NCOR1: variants seen among roughly 807,000 people sequenced by gnomAD.
NCOR1 encodes the protein protein phosphatase 1, regulatory subunit 109.
Under a neutral mutation model 288.1 loss-of-function variants are expected in NCOR1, and 63 were observed. That is an observed-to-expected ratio of 0.22 (90% CI 0.18 to 0.27). NCOR1 has a LOEUF of 0.27. Ranked by LOEUF, NCOR1 falls within the 10% of genes least tolerant of loss-of-function variation. The pLI, the probability that NCOR1 is intolerant of heterozygous loss-of-function variation, is 1.00. For missense variants in NCOR1, 2,397 were observed against 3,019.2 expected (o/e 0.79, Z 4.83); for synonymous variants, 1,007 against 1,065.9 (o/e 0.94, Z 1.08).
Position 16,061,295 on chromosome 17 carries a change from A to G in NCOR1, c.5881+106T>C, listed in dbSNP as rs895414673. 13 of 1,363,262 alleles carry G rather than the reference A, an allele frequency of 9.5e-6. No homozygotes were observed. In the African/African-American group the frequency reaches 1.3e-4, roughly 14 times the overall value. 84.4% of individuals were successfully genotyped at this position (1,363,262 alleles called of 1,614,324 possible). On this transcript the variant is annotated intron_variant, in intron 37 of 45. Coordinates refer to ENST00000268712, the MANE Select transcript of NCOR1 (RefSeq NM_006311.4). ...GATACATTTTTGCATTACATTTACT[A>G]TCAACCGTTAGGATTTTTAAATACC...
chr17:16,188,469 G>A (rs569793140), intron 2 of NCOR1, among the ~76,000 whole-genome samples: 1 of 151,786 alleles, frequency 6.6e-6, no homozygotes, highest in South Asian at 2.1e-4. Flanking sequence ...AAATTAGCTG[G>A]GCGTGGTGGC....
At chr17:16,157,532 CTTTA>C (rs1429708214) in intron 6 of NCOR1, among the ~76,000 whole-genome samples, 3 of 151,964 alleles carry the variant, frequency 2.0e-5, no homozygotes, top group Admixed American at 6.6e-5. Context: ...TTCACAATTG[CTTTA>C]TTTAAGGTCA....
chr17:16,192,573 T>C (rs1283852296), intron 2 of NCOR1, among the ~76,000 whole-genome samples: 3 of 152,112 alleles, frequency 2.0e-5, no homozygotes, highest in Non-Finnish European at 4.4e-5. Context: ...GGAGAATTGC[T>C]TGAACCCAGG....
intron 19 of NCOR1, among the ~76,000 whole-genome samples, chr17:16,107,050 GC>G (rs1317534792): frequency 6.6e-6 from 1 of 151,134 alleles, no homozygotes; most frequent in Non-Finnish European, 1.5e-5. Context: ...CCGCCACCAT[GC>G]CCGGCTAACT....
intron 14 of NCOR1, among the ~76,000 whole-genome samples, chr17:16,126,582 AAT>A (rs2074089537): frequency 6.6e-6 from 1 of 152,162 alleles, no homozygotes; most frequent in Admixed American, 6.5e-5. Context: ...TTAGATACTT[AAT>A]ATGTTTCCAA....
intron 11 of NCOR1, among the ~76,000 whole-genome samples, chr17:16,141,447 T>C (rs1197741599): frequency 6.6e-6 from 1 of 152,192 alleles, no homozygotes; most frequent in Non-Finnish European, 1.5e-5. Context: ...AGATATAGTT[T>C]ATATAGTTCT....
chr17:16,095,867 G>T (rs1474346077), intron 21 of NCOR1, among the ~76,000 whole-genome samples: 3 of 152,138 alleles, frequency 2.0e-5, no homozygotes, highest in African/African-American at 7.2e-5. Flanking sequence ...TGACGATGGC[G>T]GTTTTGTGGA....
chr17:16,059,408 A>C (rs1377286781), intron 37 of NCOR1, among the ~76,000 whole-genome samples: 3 of 152,230 alleles, frequency 2.0e-5, no homozygotes, highest in Admixed American at 2.0e-4. Context: ...ATAATTTTTT[A>C]GCACTGTGTT....
intron 17 of NCOR1, among the ~76,000 whole-genome samples, chr17:16,118,746 C>G (rs1185178177): frequency 6.6e-6 from 1 of 152,160 alleles, no homozygotes; most frequent in East Asian, 1.9e-4. Flanking sequence ...TATTTAACCA[C>G]CAAAAATTAG....
intron 34 of NCOR1, among the ~76,000 whole-genome samples, chr17:16,064,615 A>G (rs985501219): frequency 8.2e-6 from 1 of 121,752 alleles, no homozygotes; most frequent in African/African-American, 3.7e-5. Flanking sequence ...AAACAAAAAC[A>G]AAAAAAAAAC....
At position 16,075,603 on chromosome 17, in the gene NCOR1, T is replaced by G; in HGVS notation, c.3601A>C (p.Arg1201=). Residue 1201 remains arginine (R), a synonymous_variant, in exon 27 of 46, where the codon AGA becomes CGA. Coordinates refer to ENST00000268712, the MANE Select transcript of NCOR1 (RefSeq NM_006311.4). ...PIEDSSPEKG[R]EEAASKGHVI... is the part of the protein sequence containing the mutation. ...TGGCCTTTGGATGCAGCTTCCTCTC[T>G]GCCTTTCTCAGGACTGCTGTCTTCA... 6.2e-7 allele frequency: 1 copy of G among 1,614,232 alleles called. No homozygotes were observed. The highest frequency in any genetic ancestry group is 1.1e-5 in the South Asian group (1 of 91,086).
intron 3 of NCOR1, among the ~76,000 whole-genome samples, chr17:16,177,918 A>C (rs919270059): frequency 2.0e-5 from 3 of 151,992 alleles, no homozygotes; most frequent in Non-Finnish European, 2.9e-5. Context: ...TTTTTAAAAA[A>C]CTCATGTTCC....
chr17:16,052,441 A>C (rs1332492058), intron 40 of NCOR1, among the ~76,000 whole-genome samples: 1 of 152,312 alleles, frequency 6.6e-6, no homozygotes, highest in East Asian at 1.9e-4. Context: ...CCCCACAGAA[A>C]CACAAACAAT....
chr17:16,086,042 A>C (rs187653145), intron 23 of NCOR1, among the ~76,000 whole-genome samples: 2 of 152,314 alleles, frequency 1.3e-5, no homozygotes, highest in Admixed American at 1.3e-4. Context: ...CCAAGTGCCA[A>C]GTGTAATTAA....
At chr17:16,175,967 A>G (rs913240497) in intron 3 of NCOR1, among the ~76,000 whole-genome samples, 2 of 152,150 alleles carry the variant, frequency 1.3e-5, no homozygotes, top group African/African-American at 4.8e-5. Flanking sequence ...CTGTAATCCC[A>G]GCACTTTGGG....
chr17:16,185,346 T>C (rs2086419022), intron 3 of NCOR1, among the ~76,000 whole-genome samples: 1 of 151,970 alleles, frequency 6.6e-6, no homozygotes, highest in Admixed American at 6.6e-5. Context: ...TCTATACGTA[T>C]CCCATAACAT....
At chr17:16,104,821 TA>T (rs957672389) in intron 19 of NCOR1, among the ~76,000 whole-genome samples, 17 of 152,066 alleles carry the variant, frequency 1.1e-4, no homozygotes, top group African/African-American at 4.1e-4. Flanking sequence ...GTGCAGTGAC[TA>T]AACGACAAAA....
intron 4 of NCOR1, among the ~76,000 whole-genome samples, chr17:16,165,889 A>G (rs2081919469): frequency 1.3e-5 from 2 of 152,196 alleles, no homozygotes; most frequent in Non-Finnish European, 2.9e-5. Context: ...GCAATATTAT[A>G]AAACAGATAA....
chr17:16,073,463 T>C lies in NCOR1; in HGVS notation c.3777A>G (p.Ser1259=), dbSNP rs1280090607. The change falls in exon 28 of 46, where the codon TCA becomes TCG. Residue 1259 remains serine, a synonymous_variant. Coordinates refer to ENST00000268712, the MANE Select transcript of NCOR1 (RefSeq NM_006311.4). ...GTGCTGATACAGGAGACTCCCTCAT[T>C]GACATCCCTTGCTTTATATTTCCTT... ...SVEGNIKQGM[S]MRESPVSAPL... 4 of 1,609,922 alleles carry C rather than the reference T, an allele frequency of 2.5e-6. No homozygotes were observed. Among genetic ancestry groups the C allele is most frequent in the Non-Finnish European group, 3.4e-6 (4 of 1,178,028 alleles).
Sources: gnomAD v4.1 joint callset for allele counts (sites outside exome capture counted in the v4.1 genomes callset) on GRCh38, gnomAD v4.1.1 for gene constraint, MANE v1.5 for transcripts, NCBI Gene and HGNC (gene_info 2026-07-23, HGNC 2026-07-21) for gene names.